Variants in ADCY8 observed in about 807,000 individuals in gnomAD.
ADCY8 encodes adenylate cyclase type 8.
Under a neutral mutation model 119.7 loss-of-function variants are expected in ADCY8, and 51 were observed. The observed-to-expected ratio is 0.43, with a 90% CI of 0.34 to 0.54. The LOEUF (loss-of-function observed/expected upper bound fraction) is 0.54, where lower values mean the gene tolerates loss of function less well. Among genes scored for constraint, ADCY8 ranks in the 20% least tolerant of loss-of-function variants. The probability of loss-of-function intolerance (pLI) is 0.03; values close to 1 mark genes in which losing one functional copy is unlikely to be tolerated. For synonymous variants in ADCY8, 665 were observed against 651.0 expected, an observed-to-expected ratio of 1.02 and a Z score of -0.33; for missense variants, 1,383 against 1,598.8, an observed-to-expected ratio of 0.87 and a Z score of 2.30.
rs191047317 is a variant in ADCY8, at chr8:130,814,000, A to G, written c.2913+69T>C. 8.9e-6 allele frequency: 14 copies of G among 1,568,854 alleles called. No homozygotes were observed. In the East Asian group the frequency reaches 2.9e-4, roughly 33 times the overall value. ...CAGTGAAATTCTCCCAGAGTTTGGG[A>G]TCAATGTGAACAACTGCACATCACC... On this transcript the variant is annotated intron_variant, in intron 14 of 17. Coordinates refer to ENST00000286355, the MANE Select transcript of ADCY8 (RefSeq NM_001115.3).
At chr8:130,801,174 T>C (rs1815765106) in intron 14 of ADCY8, among the ~76,000 whole-genome samples, 1 of 152,358 alleles carries the variant, frequency 6.6e-6, no homozygotes, top group African/African-American at 2.4e-5. Context: ...GAGTTCTGAC[T>C]GCCAGTTCAT....
At chr8:130,807,853 G>A (rs1485609677) in intron 14 of ADCY8, among the ~76,000 whole-genome samples, 9 of 147,282 alleles carry the variant, frequency 6.1e-5, no homozygotes, top group South Asian at 2.3e-4. Context: ...GCGTAGTGGC[G>A]GGCGCCTGTA....
chr8:131,035,650 G>C (rs1286253225), intron 1 of ADCY8, among the ~76,000 whole-genome samples: 1 of 152,094 alleles, frequency 6.6e-6, no homozygotes, highest in African/African-American at 2.4e-5. Context: ...TAGAAAGAGG[G>C]AAAGCAGATT....
intron 10 of ADCY8, 92 bp from the exon 11 acceptor site, chr8:130,847,605 T>G: frequency 9.2e-7 from 1 of 1,088,108 alleles, no homozygotes; most frequent in Non-Finnish European, 1.3e-6. Context: ...CAGTGTGCTA[T>G]CAGTGGCTGG....
intron 2 of ADCY8, among the ~76,000 whole-genome samples, chr8:130,971,566 G>A: frequency 6.6e-6 from 1 of 152,000 alleles, no homozygotes; most frequent in Non-Finnish European, 1.5e-5. Flanking sequence ...CTGAAGAAAA[G>A]GTTACTACTC....
At position 130,846,400 on chromosome 8, in the gene ADCY8, C is replaced by G. The variant is rs150212433; in HGVS notation, c.2502+1024G>C. On this transcript the variant is annotated intron_variant, in intron 11 of 17. Transcript: ENST00000286355. ...ATACACATATTATGATCATAGGTGG[C>G]CTGTTGGGATGCCTACAGAACACAT... Among the ~76,000 whole-genome samples the G allele has an allele frequency of 5.5e-3, 836 of 152,244 alleles. 6 individuals carry two copies. The highest frequency in any genetic ancestry group is 0.048 in the Middle Eastern group (14 of 294).
intron 8 of ADCY8, among the ~76,000 whole-genome samples, chr8:130,873,322 CTT>C (rs780525341): frequency 1.4e-5 from 2 of 146,474 alleles, no homozygotes; most frequent in Non-Finnish European, 3.0e-5. Context: ...TGTACTCTGT[CTT>C]TTTTTTTTTT....
Position 131,040,148 on chromosome 8 carries a change from A to G in ADCY8, c.186T>C (p.Ser62=), listed in dbSNP as rs1464783642. 2.0e-6 allele frequency: 3 copies of G among 1,532,126 alleles called. No individual in the cohort carries two copies. Among genetic ancestry groups the G allele is most frequent in the Admixed American group, 3.9e-5 (2 of 50,830 alleles). 94.9% of individuals were successfully genotyped at this position (1,532,126 alleles called of 1,614,324 possible). A position where few individuals can be genotyped will look rare whatever the true frequency, so the allele number is the denominator to read the frequency against. The change falls in exon 1 of 18, where the codon AGT becomes AGC. Residue 62 remains serine (S), a synonymous_variant. Transcript: ENST00000286355. The part of the protein sequence containing the change: ...HGHRGGSGSG[S]GGSGKASDPA... Reference sequence around the variant, plus strand: ...GGTCCGAGGCTTTGCCCGAGCCTCCACTCCCGCTGCCGCTGCCTCCCCGGT... The same window carrying G: ...GGTCCGAGGCTTTGCCCGAGCCTCCGCTCCCGCTGCCGCTGCCTCCCCGGT...
chr8:130,798,310 G>T (rs1476358940), intron 15 of ADCY8, among the ~76,000 whole-genome samples: 1 of 152,136 alleles, frequency 6.6e-6, no homozygotes, highest in Non-Finnish European at 1.5e-5. Flanking sequence ...AGAGATGGGG[G>T]TTAGAAAAAA....
At chr8:130,822,167 C>T (rs927859810) in intron 12 of ADCY8, among the ~76,000 whole-genome samples, 2 of 152,096 alleles carry the variant, frequency 1.3e-5, no homozygotes, top group Admixed American at 1.3e-4. Flanking sequence ...GGAAAGGATA[C>T]ATCCTTGTTG....
intron 4 of ADCY8, among the ~76,000 whole-genome samples, chr8:130,943,056 G>T (rs1027120918): frequency 1.3e-5 from 2 of 152,168 alleles, no homozygotes; most frequent in Admixed American, 1.3e-4. Flanking sequence ...ACCTGGCCAC[G>T]TGCAAGGGGA....
intron 9 of ADCY8, among the ~76,000 whole-genome samples, chr8:130,867,225 T>C (rs1818159172): frequency 6.6e-6 from 1 of 152,168 alleles, no homozygotes; most frequent in African/African-American, 2.4e-5. Flanking sequence ...ATGTGTTTAA[T>C]AGAGGGTTAA....
chr8:130,903,889 A>C lies in ADCY8; in HGVS notation c.1794T>G (p.Pro598=). 2 of 1,614,096 alleles carry C rather than the reference A, an allele frequency of 1.2e-6. No individual in the cohort carries two copies. Among genetic ancestry groups the C allele is most frequent in the Non-Finnish European group, 1.7e-6 (2 of 1,180,004 alleles). ...KQPEDSLLSL[P]EDIVKESVSS... ...TCACTGACTCCTTGACGATATCTTCAGGCAAGGACAGCAGACTGTCCTCAG... is the reference window on the plus strand; with the variant it reads ...TCACTGACTCCTTGACGATATCTTCCGGCAAGGACAGCAGACTGTCCTCAG... Residue 598 remains proline, a synonymous_variant, in exon 7 of 18, where the codon CCT becomes CCG. Coordinates refer to ENST00000286355, the MANE Select transcript of ADCY8 (RefSeq NM_001115.3).
chr8:130,905,377 A>C (rs1005564139), intron 6 of ADCY8, among the ~76,000 whole-genome samples: 1 of 152,080 alleles, frequency 6.6e-6, no homozygotes, highest in Non-Finnish European at 1.5e-5. Flanking sequence ...CCAGCTATTC[A>C]AGTAATTGGC....
At chr8:130,963,782 G>T (rs1279124163) in intron 2 of ADCY8, among the ~76,000 whole-genome samples, 1 of 152,142 alleles carries the variant, frequency 6.6e-6, no homozygotes, top group East Asian at 1.9e-4. Flanking sequence ...CCCTGGGAAG[G>T]TTTTAGATAG....
At chr8:130,922,686 CCATTGT>C (rs1820351067) in intron 5 of ADCY8, among the ~76,000 whole-genome samples, 1 of 152,192 alleles carries the variant, frequency 6.6e-6, no homozygotes, top group African/African-American at 2.4e-5. Context: ...CACAAAACCG[CCATTGT>C]CATCATGGCC....
intron 2 of ADCY8, among the ~76,000 whole-genome samples, chr8:130,990,111 C>T (rs1039881188): frequency 2.6e-5 from 4 of 152,170 alleles, no homozygotes; most frequent in African/African-American, 9.7e-5. Flanking sequence ...GAATCATGAC[C>T]TTGTTCACAA....
intron 13 of ADCY8, 47 bp downstream of exon 13, chr8:130,821,295 C>G: frequency 1.3e-6 from 2 of 1,532,308 alleles, no homozygotes; most frequent in East Asian, 2.3e-5. Flanking sequence ...TTGATGGTAA[C>G]AAGAAATGTC....
chr8:130,822,596 T>A (rs401647), intron 12 of ADCY8, among the ~76,000 whole-genome samples: 2 of 134,370 alleles, frequency 1.5e-5, no homozygotes, highest in African/African-American at 5.5e-5. Context: ...CCATCCATCC[T>A]TCCAGCCATC....
Sources: gnomAD v4.1 joint callset for allele counts (sites outside exome capture counted in the v4.1 genomes callset) on GRCh38, gnomAD v4.1.1 for gene constraint, MANE v1.5 for transcripts, NCBI Gene and HGNC (gene_info 2026-07-23, HGNC 2026-07-21) for gene names.